The following RAB3GAP2 variants were observed in gnomAD, a reference collection of about 807,000 sequenced individuals.
The protein encoded by RAB3GAP2 is rab3 GTPase-activating protein non-catalytic subunit.
In RAB3GAP2, 87 loss-of-function variants were observed where a neutral mutation model predicts 185.3. That is an observed-to-expected ratio of 0.47 (90% confidence interval 0.39 to 0.56). The LOEUF (loss-of-function observed/expected upper bound fraction) is 0.56, where lower values mean the gene tolerates loss of function less well. Among genes scored for constraint, RAB3GAP2 ranks in the 20% least tolerant of loss-of-function variants. The pLI, the probability that RAB3GAP2 is intolerant of heterozygous loss-of-function variation, is 0.00. For synonymous variants in RAB3GAP2, 554 were observed against 576.1 expected, an observed-to-expected ratio of 0.96 and a Z score of 0.55; for missense variants, 1,492 against 1,638.2, an observed-to-expected ratio of 0.91 and a Z score of 1.54.
Position 220,170,934 on chromosome 1 carries a change from G to A in RAB3GAP2, c.2764C>T (p.Leu922Phe). The A allele has an allele frequency of 6.2e-7, 1 of 1,614,192 alleles. No homozygotes were observed. Residue 922 changes from leucine (L) to phenylalanine (F), a missense_variant, in exon 24 of 35, where the codon CTT becomes TTT. Physicochemically the swap from Leu to Phe is conservative, Grantham distance 22. Transcript: ENST00000358951. ...AACTTTTTAACAGAAAGCCTTGGAAGTGGCTCAGCCTGCAGTGATGACACT... is the reference window on the plus strand; with the variant it reads ...AACTTTTTAACAGAAAGCCTTGGAAATGGCTCAGCCTGCAGTGATGACACT... ...SKVSSLQAEP[L>F]PRLSVKKLLE...
intron 17 of RAB3GAP2, among the ~76,000 whole-genome samples, chr1:220,189,486 T>A (rs749981241): frequency 5.3e-5 from 8 of 150,934 alleles, no homozygotes; most frequent in Non-Finnish European, 1.0e-4. Context: ...CCCAAAGTGC[T>A]AGGATTACAG....
At chr1:220,184,254 A>G in intron 18 of RAB3GAP2, 91 bp from the exon 19 acceptor site, 1 of 1,226,808 alleles carries the variant, frequency 8.2e-7, no homozygotes, top group East Asian at 2.4e-5. Context: ...AATATTATGT[A>G]ATTCCCTGAT....
intron 7 of RAB3GAP2, among the ~76,000 whole-genome samples, chr1:220,206,554 T>A (rs1431391928): frequency 6.6e-6 from 1 of 152,208 alleles, no homozygotes; most frequent in Non-Finnish European, 1.5e-5. Flanking sequence ...TGACGGACAT[T>A]CAGTTTGGCC....
intron 6 of RAB3GAP2, 134 bp downstream of exon 6, chr1:220,210,667 G>T: frequency 9.2e-7 from 1 of 1,083,916 alleles, no homozygotes; most frequent in Non-Finnish European, 1.4e-6. Context: ...GGCCTATCCC[G>T]GCCTCTACCC....
intron 1 of RAB3GAP2, among the ~76,000 whole-genome samples, chr1:220,262,899 G>A (rs760608877): frequency 4.6e-5 from 7 of 150,934 alleles, no homozygotes; most frequent in Non-Finnish European, 8.8e-5. Context: ...CTTAATGGCT[G>A]TACCATCTTA....
intron 1 of RAB3GAP2, among the ~76,000 whole-genome samples, chr1:220,252,659 G>A (rs1057022857): frequency 1.3e-5 from 2 of 152,148 alleles, no homozygotes; most frequent in Admixed American, 1.3e-4. Flanking sequence ...ACCCTACCTG[G>A]GAAACCACAC....
intron 1 of RAB3GAP2, among the ~76,000 whole-genome samples, chr1:220,234,016 T>A (rs80030591): frequency 0.019 from 2,923 of 152,328 alleles, 93 homozygotes; most frequent in African/African-American, 0.066. Context: ...GTAATACATA[T>A]AAAGTATTGA....
At chr1:220,202,138 C>T in intron 9 of RAB3GAP2, 138 bp downstream of exon 9, 1 of 940,288 alleles carries the variant, frequency 1.1e-6, no homozygotes, top group Non-Finnish European at 1.5e-6. Flanking sequence ...GCACTCCTGC[C>T]TGGGTGACAG....
At chr1:220,235,641 G>T (rs1164909671) in intron 1 of RAB3GAP2, among the ~76,000 whole-genome samples, 1 of 152,122 alleles carries the variant, frequency 6.6e-6, no homozygotes, top group African/African-American at 2.4e-5. Context: ...CTTAGTTTGT[G>T]TACATAACCT....
intron 24 of RAB3GAP2, among the ~76,000 whole-genome samples, chr1:220,169,425 G>C (rs1658133469): frequency 6.6e-6 from 1 of 152,170 alleles, no homozygotes; most frequent in Non-Finnish European, 1.5e-5. Context: ...ATATTAGGAG[G>C]AAGAAGAGAA....
intron 1 of RAB3GAP2, among the ~76,000 whole-genome samples, chr1:220,248,476 A>T (rs936808533): frequency 3.9e-4 from 59 of 152,192 alleles, no homozygotes; most frequent in Admixed American, 1.0e-3. Flanking sequence ...TTATTTGTTG[A>T]TTATACTTCA....
intron 28 of RAB3GAP2, 95 bp downstream of exon 28, chr1:220,162,103 A>AATAGTCTAT: frequency 1.0e-6 from 1 of 982,900 alleles, no homozygotes; most frequent in Admixed American, 1.8e-5. Context: ...CAAATTAAAA[A>AATAGTCTAT]ATAGTCTAAC....
intron 12 of RAB3GAP2, among the ~76,000 whole-genome samples, 175 bp from the exon 13 acceptor site, chr1:220,193,554 T>C (rs1234819543): frequency 6.6e-6 from 1 of 152,150 alleles, no homozygotes; most frequent in East Asian, 1.9e-4. Context: ...TAATATAAAA[T>C]ACATAAAAGA....
chr1:220,230,992 T>G (rs1011993223), intron 2 of RAB3GAP2, among the ~76,000 whole-genome samples: 16 of 152,190 alleles, frequency 1.1e-4, no homozygotes, highest in Admixed American at 7.2e-4. Context: ...ATCTCTCAAC[T>G]AAGCTACTGC....
chr1:220,257,910 C>G (rs901133827), intron 1 of RAB3GAP2, among the ~76,000 whole-genome samples: 1 of 151,896 alleles, frequency 6.6e-6, no homozygotes, highest in African/African-American at 2.4e-5. Context: ...ACCACTGACC[C>G]CACAGAAATA....
intron 11 of RAB3GAP2, 31 bp downstream of exon 11, chr1:220,195,267 A>G (rs767680579): frequency 5.7e-6 from 9 of 1,587,506 alleles, no homozygotes; most frequent in Non-Finnish European, 7.8e-6. Context: ...TACAAATGAG[A>G]TATTTGTTAT....
At chr1:220,269,082 G>A (rs1660285787) in intron 1 of RAB3GAP2, among the ~76,000 whole-genome samples, 2 of 152,190 alleles carry the variant, frequency 1.3e-5, no homozygotes, top group Admixed American at 1.3e-4. Flanking sequence ...AGAACAACAA[G>A]TAGGAACAAG....
intron 20 of RAB3GAP2, 145 bp downstream of exon 20, chr1:220,182,573 T>C (rs1267716683): frequency 1.1e-5 from 14 of 1,224,708 alleles, no homozygotes; most frequent in Non-Finnish European, 1.3e-5. Flanking sequence ...CCAGAGTATC[T>C]TTTGTTGGCC....
At chr1:220,178,126 G>A (rs1186312893) in intron 21 of RAB3GAP2, among the ~76,000 whole-genome samples, 1 of 152,202 alleles carries the variant, frequency 6.6e-6, no homozygotes, top group East Asian at 1.9e-4. Flanking sequence ...CAGGCCAAGA[G>A]GGAGTGGGGC....
Sources: allele counts gnomAD v4.1 joint callset (sites outside exome capture counted in the v4.1 genomes callset), GRCh38; gene constraint gnomAD v4.1.1; transcripts MANE v1.5; gene names NCBI Gene and HGNC (gene_info 2026-07-23, HGNC 2026-07-21).